The following RMDN3 variants were observed in gnomAD, a reference collection of about 807,000 sequenced individuals.
The protein encoded by RMDN3 is regulator of microtubule dynamics 3, also known as regulator of microtubule dynamics protein 3.
A neutral mutation model predicts 61.8 loss-of-function variants in RMDN3; 41 were observed. The ratio of observed to expected loss-of-function variants is 0.66; its 90% CI spans 0.52 to 0.86. The LOEUF (loss-of-function observed/expected upper bound fraction) is 0.86, where lower values mean the gene tolerates loss of function less well. Ranked by LOEUF, RMDN3 falls within the 40% of genes least tolerant of loss-of-function variation. The pLI, the probability that RMDN3 is intolerant of heterozygous loss-of-function variation, is 0.00. For synonymous variants in RMDN3, 247 were observed against 232.0 expected (o/e 1.06, Z -0.59); for missense variants, 557 against 585.3 (o/e 0.95, Z 0.50).
In RMDN3 at chr15:40,737,576, G is replaced by GA. The variant is rs1897107418; in HGVS notation, c.1224+51dup. 125 of 1,521,966 alleles carry GA rather than the reference G, an allele frequency of 8.2e-5. 1 individual carries two copies. In the South Asian group the frequency reaches 1.2e-3, roughly 15 times the overall value. 94.3% of individuals were successfully genotyped at this position (1,521,966 alleles called of 1,614,324 possible). The stretch of plus-strand genomic sequence containing the variant: ...TTAAGGGTCTCAATAATGTCCTTAG[G>GA]AAAAAACAAGGTTACCCTGGTGTTT... On this transcript the variant is annotated intron_variant, in intron 10 of 12. Coordinates refer to ENST00000338376, the MANE Select transcript of RMDN3 (RefSeq NM_018145.3).
At chr15:40,741,673 A>G (rs1897290173) in intron 6 of RMDN3, among the ~76,000 whole-genome samples, 1 of 121,178 alleles carries the variant, frequency 8.3e-6, no homozygotes, top group Non-Finnish European at 1.6e-5. Flanking sequence ...TCTGTCGTCC[A>G]GGCTGGAGTG....
chr15:40,738,442 A>T, intron 8 of RMDN3, 59 bp downstream of exon 8: 1 of 1,562,734 alleles, frequency 6.4e-7, no homozygotes, highest in Non-Finnish European at 8.8e-7. Flanking sequence ...AGGGAGCTGG[A>T]AAGGAGTGGG....
intron 6 of RMDN3, among the ~76,000 whole-genome samples, chr15:40,741,471 T>C (rs1444824428): frequency 6.6e-6 from 1 of 152,130 alleles, no homozygotes; most frequent in African/African-American, 2.4e-5. Context: ...TTACCCGAGT[T>C]TTCTAGGTTA....
intron 4 of RMDN3, among the ~76,000 whole-genome samples, chr15:40,750,138 G>A (rs952659059): frequency 2.6e-5 from 4 of 151,366 alleles, no homozygotes; most frequent in African/African-American, 9.7e-5. Flanking sequence ...CACAATTATG[G>A]CTCACTGCAT....
rs995194356 is a variant in RMDN3 at position 40,754,949 on chromosome 15, TC to T, written c.-8+133del. The stretch of plus-strand genomic sequence containing the variant: ...GAGCTCTCGACTACGTGCACCCCAG[TC>T]TGAACCCTAAGGCTTCCTCCAGCCT... On this transcript the variant is annotated intron_variant, in intron 1 of 12. Transcript: ENST00000338376. 9.7e-6 allele frequency: 6 copies of T among 618,264 alleles called. No individual in the cohort carries two copies. In the African/African-American group the frequency reaches 1.1e-4, roughly 11 times the overall value. 38.3% of individuals were successfully genotyped at this position (618,264 alleles called of 1,614,324 possible).
Position 40,737,530 on chromosome 15 carries a change from C to T in RMDN3, c.1224+98G>A, listed in dbSNP as rs1031727837. On this transcript the variant is annotated intron_variant, in intron 10 of 12. Coordinates refer to ENST00000338376, the MANE Select transcript of RMDN3 (RefSeq NM_018145.3). The stretch of plus-strand genomic sequence containing the variant: ...GAACAGGCAAACACAAAATTGCCCC[C>T]GACTAGGAAAACCCCTCCCATTAAG... The T allele has an allele frequency of 1.1e-5, 14 of 1,237,910 alleles. No individual in the cohort carries two copies. In the South Asian group the frequency reaches 1.3e-4, roughly 11 times the overall value. The allele number at this position is 1,237,910 out of a possible 1,614,324, so 76.7% of individuals were successfully genotyped here.
intron 2 of RMDN3, among the ~76,000 whole-genome samples, chr15:40,753,380 C>T (rs930029057): frequency 6.6e-6 from 1 of 152,062 alleles, no homozygotes; most frequent in Non-Finnish European, 1.5e-5. Context: ...GGCATGGTGG[C>T]ACGCACCTGT....
rs553507902 is a variant in RMDN3 at position 40,738,827 on chromosome 15, CCACAGTAAATCTCTCTTA to C, written c.972-269_972-252del. The C allele has an allele frequency of 8.9e-4, 482 of 543,222 alleles. 1 individual carries two copies. The highest frequency in any genetic ancestry group is 7.3e-3 in the African/African-American group (388 of 52,808). The allele number at this position is 543,222 out of a possible 1,614,324, so 33.7% of individuals were successfully genotyped here. Reference sequence around the variant, plus strand: ...CTAGGTATAAAAAAAGCTGGGTTCACCACAGTAAATCTCTCTTACACAGTAAATCTCTCCTACACTCAT... The same window carrying C: ...CTAGGTATAAAAAAAGCTGGGTTCACCACAGTAAATCTCTCCTACACTCAT... On this transcript the variant is annotated intron_variant, in intron 7 of 12. Coordinates refer to ENST00000338376, the MANE Select transcript of RMDN3 (RefSeq NM_018145.3).
At chr15:40,752,225 G>A in intron 2 of RMDN3, 47 bp from the exon 3 acceptor site, 1 of 1,569,610 alleles carries the variant, frequency 6.4e-7, no homozygotes, top group Non-Finnish European at 8.7e-7. Flanking sequence ...GGAATATGGT[G>A]GGGAAGAGAT....
At chr15:40,746,881 A>G (rs1002376761) in intron 4 of RMDN3, among the ~76,000 whole-genome samples, 5 of 152,104 alleles carry the variant, frequency 3.3e-5, no homozygotes, top group African/African-American at 7.2e-5. Context: ...GTTATTAGAA[A>G]AAAAAAAAAA....
At chr15:40,739,816 A>C (rs532672058) in intron 7 of RMDN3, 14 of 344,934 alleles carry the variant, frequency 4.1e-5, no homozygotes, top group Admixed American at 3.4e-4. Context: ...GGAGCTGCAG[A>C]TTGTCCCAGC....
intron 10 of RMDN3, 48 bp from the exon 11 acceptor site, chr15:40,737,389 A>ATCAGGCTGAAGTTTATTAAACTAG: frequency 6.4e-7 from 1 of 1,551,514 alleles, no homozygotes. Flanking sequence ...CTATATTCTA[A>ATCAGGCTGAAGTTTATTAAACTAG]TCAGGCTGAA....
chr15:40,736,207 C>A lies in RMDN3; in HGVS notation c.*334G>T. 3.1e-6 allele frequency: 1 copy of A among 323,056 alleles called. No homozygotes were observed. The highest frequency in any genetic ancestry group is 5.6e-6 in the Non-Finnish European group (1 of 177,720). The allele number at this position is 323,056 out of a possible 1,614,324, so 20.0% of individuals were successfully genotyped here. On this transcript the variant is annotated 3_prime_UTR_variant, in exon 13 of 13. Coordinates refer to ENST00000338376, the MANE Select transcript of RMDN3 (RefSeq NM_018145.3). The stretch of plus-strand genomic sequence containing the variant: ...CAAGTTATGTGCTTTGTTCCTATAG[C>A]TTTGAAGTTCATCCACCTCACCAGC...
Position 40,751,430 on chromosome 15 carries a change from C to CT in RMDN3, c.519dup (p.Gly174ArgfsTer11). 1 of 1,614,184 alleles carries CT rather than the reference C, an allele frequency of 6.2e-7. No homozygotes were observed. The highest frequency in any genetic ancestry group is 8.5e-7 in the Non-Finnish European group (1 of 1,179,994). On this transcript the variant is annotated frameshift_variant, in exon 4 of 13. Coordinates refer to ENST00000338376, the MANE Select transcript of RMDN3 (RefSeq NM_018145.3). LOFTEE classifies it high-confidence loss of function. ...CCTCCAAGAGAGACAACTCACCCCC[C>CT]TTCACTCTCAGCATCTGTGAACGTG...
Position 40,744,106 on chromosome 15 carries a change from T to C in RMDN3, c.851A>G (p.Tyr284Cys). The C allele has an allele frequency of 6.2e-7, 1 of 1,613,670 alleles. No homozygotes were observed. Among genetic ancestry groups the C allele is most frequent in the Non-Finnish European group, 8.5e-7 (1 of 1,179,984 alleles). The change falls in exon 6 of 13, where the codon TAC becomes TGC. Residue 284 changes from tyrosine (Y) to cysteine (C), a missense_variant. Coordinates refer to ENST00000338376, the MANE Select transcript of RMDN3 (RefSeq NM_018145.3). ...CTCAGTGAGCTCACACATGTCACTG[T>C]AGGCTCGGGCCAGGCGCCAGAGAAA... is the stretch of plus-strand genomic sequence containing the variant. ...QDFLWRLARAYSDMCELTEEV... is the reference protein window; with the variant it reads ...QDFLWRLARACSDMCELTEEV...
At chr15:40,741,279 G>A (rs199726795) in intron 6 of RMDN3, among the ~76,000 whole-genome samples, 7 of 152,190 alleles carry the variant, frequency 4.6e-5, no homozygotes, top group Non-Finnish European at 5.9e-5. Context: ...AGGCCAAGGA[G>A]AGGATAGCTT....
At chr15:40,750,210 G>GTTTTTTT (rs10586666) in intron 4 of RMDN3, among the ~76,000 whole-genome samples, 5 of 89,674 alleles carry the variant, frequency 5.6e-5, no homozygotes, top group Non-Finnish European at 8.2e-5. Flanking sequence ...TGCCCAGCTC[G>GTTTTTTT]TTTTTTTTTT....
chr15:40,746,689 T>C (rs1897579336), intron 4 of RMDN3, among the ~76,000 whole-genome samples: 1 of 152,150 alleles, frequency 6.6e-6, no homozygotes, highest in Non-Finnish European at 1.5e-5. Flanking sequence ...CTGAAGGCTC[T>C]GGAAGTGAGC....
In RMDN3 at chr15:40,736,470, T is replaced by A; in HGVS notation, c.*71A>T. The A allele has an allele frequency of 1.4e-6, 2 of 1,426,098 alleles. No individual in the cohort carries two copies. Among genetic ancestry groups the A allele is most frequent in the Non-Finnish European group, 2.0e-6 (2 of 1,010,832 alleles). The allele number at this position is 1,426,098 out of a possible 1,614,324, so 88.3% of individuals were successfully genotyped here. ...GTGGTTTCCTGATCTCAGCAAGGTC[T>A]AAGGAAAAAAGCCTCCCCGCCCCCC... On this transcript the variant is annotated 3_prime_UTR_variant, in exon 13 of 13. Transcript: ENST00000338376.
Sources: allele counts gnomAD v4.1 joint callset (sites outside exome capture counted in the v4.1 genomes callset), GRCh38; gene constraint gnomAD v4.1.1; transcripts MANE v1.5; gene names NCBI Gene and HGNC (gene_info 2026-07-23, HGNC 2026-07-21).